The following FGD6 variants were observed in gnomAD, a reference collection of about 807,000 sequenced individuals.
The protein encoded by FGD6 is FYVE, RhoGEF and PH domain-containing protein 6.
A neutral mutation model predicts 149.4 loss-of-function variants in FGD6; 90 were observed. The ratio of observed to expected loss-of-function variants is 0.60; its 90% CI spans 0.51 to 0.72. FGD6 has a LOEUF of 0.72. Among genes scored for constraint, FGD6 ranks in the 30% least tolerant of loss-of-function variants. The pLI is 0.00. For missense variants in FGD6, 1,437 were observed against 1,684.8 expected, an observed-to-expected ratio of 0.85 and a Z score of 2.57; for synonymous variants, 527 against 584.0, an observed-to-expected ratio of 0.90 and a Z score of 1.41.
Position 95,085,760 on chromosome 12 carries a change from C to T in FGD6, c.4107+20G>A. ...CATTACAAAACCCCAAATTACTCAT[C>T]TTTAGATTTCAGATCTTACCTCACT... On this transcript the variant is annotated intron_variant, in intron 19 of 20. Transcript: ENST00000343958. The T allele has an allele frequency of 2.5e-6, 4 of 1,585,368 alleles. No homozygotes were observed. Among genetic ancestry groups the T allele is most frequent in the Non-Finnish European group, 2.6e-6 (3 of 1,170,206 alleles).
chr12:95,087,725 CTG>C (rs1877925833), intron 18 of FGD6, among the ~76,000 whole-genome samples: 1 of 152,022 alleles, frequency 6.6e-6, no homozygotes, highest in South Asian at 2.1e-4. Context: ...CACATGCGCT[CTG>C]TGAATTTTTA....
intron 3 of FGD6, among the ~76,000 whole-genome samples, chr12:95,164,713 G>A (rs1880746605): frequency 6.6e-6 from 1 of 152,088 alleles, no homozygotes; most frequent in Non-Finnish European, 1.5e-5. Context: ...TTACAGGCAG[G>A]AGGCACCATG....
intron 8 of FGD6, among the ~76,000 whole-genome samples, chr12:95,119,352 A>G (rs1235670260): frequency 1.3e-5 from 2 of 152,368 alleles, no homozygotes; most frequent in South Asian, 2.1e-4. Context: ...AGGAAAACTT[A>G]AACTATGAAC....
At chr12:95,120,664 G>A (rs990591584) in intron 8 of FGD6, among the ~76,000 whole-genome samples, 61 of 152,104 alleles carry the variant, frequency 4.0e-4, no homozygotes, top group Non-Finnish European at 6.2e-4. Flanking sequence ...TCTAGCCTGG[G>A]TGACAGAGTG....
chr12:95,094,954 C>A (rs1033986421), intron 14 of FGD6, among the ~76,000 whole-genome samples: 1 of 152,162 alleles, frequency 6.6e-6, no homozygotes, highest in African/African-American at 2.4e-5. Context: ...AGCTTTTGAA[C>A]TCTCCTAAAC....
At chr12:95,089,416 G>T (rs758242145) in intron 18 of FGD6, among the ~76,000 whole-genome samples, 153 bp downstream of exon 18, 1 of 152,234 alleles carries the variant, frequency 6.6e-6, no homozygotes, top group East Asian at 1.9e-4. Flanking sequence ...AAGCAAGATT[G>T]TGAGGCATCA....
chr12:95,091,277 C>T (rs757025990), intron 17 of FGD6, among the ~76,000 whole-genome samples: 3 of 152,156 alleles, frequency 2.0e-5, no homozygotes, highest in African/African-American at 4.8e-5. Context: ...GCTGCACATT[C>T]AGATGTACAT....
chr12:95,197,533 C>T (rs577092490), intron 2 of FGD6, among the ~76,000 whole-genome samples: 9 of 152,272 alleles, frequency 5.9e-5, no homozygotes, highest in Non-Finnish European at 1.0e-4. Flanking sequence ...ATATCACCTG[C>T]GTCTTTTGGG....
At chr12:95,168,180 AAAACCC>A (rs1880880599) in intron 3 of FGD6, among the ~76,000 whole-genome samples, 1 of 152,238 alleles carries the variant, frequency 6.6e-6, no homozygotes, top group African/African-American at 2.4e-5. Context: ...ATCTAAGACT[AAAACCC>A]AGGTCTTAGG....
chr12:95,107,384 T>A (rs980864181), intron 12 of FGD6, among the ~76,000 whole-genome samples, 179 bp downstream of exon 12: 1 of 152,232 alleles, frequency 6.6e-6, no homozygotes, highest in Non-Finnish European at 1.5e-5. Context: ...CTTCTGGTTA[T>A]ACATCATAAC....
chr12:95,179,834 T>C (rs1881229093), intron 2 of FGD6, among the ~76,000 whole-genome samples: 2 of 152,172 alleles, frequency 1.3e-5, no homozygotes, highest in Non-Finnish European at 2.9e-5. Flanking sequence ...TAAACAGTTA[T>C]TTAACAGGCT....
intron 18 of FGD6, among the ~76,000 whole-genome samples, chr12:95,087,119 C>T (rs576247114): frequency 7.9e-5 from 12 of 152,250 alleles, no homozygotes; most frequent in African/African-American, 2.6e-4. Flanking sequence ...TATGAGCTAT[C>T]GTGCCTGGCC....
intron 14 of FGD6, among the ~76,000 whole-genome samples, chr12:95,097,365 G>A (rs1372900307): frequency 1.3e-5 from 2 of 152,162 alleles, no homozygotes; most frequent in East Asian, 1.9e-4. Context: ...GCCGGGCGTG[G>A]TGGCTCATGC....
intron 18 of FGD6, among the ~76,000 whole-genome samples, chr12:95,087,581 T>C (rs1185460559): frequency 1.3e-5 from 2 of 152,222 alleles, no homozygotes; most frequent in Non-Finnish European, 2.9e-5. Flanking sequence ...GAGAACTCAG[T>C]ACTTGCCAAA....
At chr12:95,208,602 C>T (rs1049114290) in intron 2 of FGD6, among the ~76,000 whole-genome samples, 1 of 152,228 alleles carries the variant, frequency 6.6e-6, no homozygotes, top group African/African-American at 2.4e-5. Context: ...GCAGCACCTA[C>T]ATTGCCACTG....
chr12:95,121,713 T>C, intron 8 of FGD6, among the ~76,000 whole-genome samples: 1 of 150,068 alleles, frequency 6.7e-6, no homozygotes, highest in South Asian at 2.1e-4. Flanking sequence ...TGGAATGCAG[T>C]GGCATGATCT....
intron 8 of FGD6, among the ~76,000 whole-genome samples, chr12:95,127,560 T>C (rs1253135452): frequency 6.6e-6 from 1 of 152,114 alleles, no homozygotes; most frequent in Non-Finnish European, 1.5e-5. Context: ...AAAAAAGTCA[T>C]CTATTAATTT....
At chr12:95,115,548 AT>A (rs1036491602) in intron 8 of FGD6, among the ~76,000 whole-genome samples, 3 of 152,032 alleles carry the variant, frequency 2.0e-5, no homozygotes, top group Non-Finnish European at 4.4e-5. Flanking sequence ...AGAATATATT[AT>A]TTTTTAGATA....
At chr12:95,153,277 A>C (rs1880364231) in intron 3 of FGD6, among the ~76,000 whole-genome samples, 1 of 152,234 alleles carries the variant, frequency 6.6e-6, no homozygotes, top group Non-Finnish European at 1.5e-5. Flanking sequence ...TCAGTGGTTC[A>C]AAATGGAAGT....
Sources: allele counts gnomAD v4.1 joint callset (sites outside exome capture counted in the v4.1 genomes callset), GRCh38; gene constraint gnomAD v4.1.1; transcripts MANE v1.5; gene names NCBI Gene and HGNC (gene_info 2026-07-23, HGNC 2026-07-21).